The following ST18 variants were observed in gnomAD, a reference collection of about 807,000 sequenced individuals.
The protein encoded by ST18 is ST18 C2H2C-type zinc finger transcription factor.
Under a neutral mutation model 110.0 loss-of-function variants are expected in ST18, and 50 were observed. The observed-to-expected ratio is 0.45, with a 90% CI of 0.36 to 0.58. ST18 has a LOEUF of 0.58. Ranked by LOEUF, ST18 falls within the 20% of genes least tolerant of loss-of-function variation. The pLI is 0.00. For missense variants in ST18, 1,306 were observed against 1,280.1 expected (o/e 1.02, Z -0.31); for synonymous variants, 461 against 452.4 (o/e 1.02, Z -0.24).
intron 2 of ST18, among the ~76,000 whole-genome samples, chr8:52,231,774 C>T (rs2091452612): frequency 1.3e-5 from 2 of 152,188 alleles, no homozygotes; most frequent in South Asian, 2.1e-4. Flanking sequence ...AGTGCCCGGC[C>T]GGGTGGCTTC....
chr8:52,292,704 T>C (rs1232751094), intron 2 of ST18, among the ~76,000 whole-genome samples: 4 of 152,248 alleles, frequency 2.6e-5, no homozygotes, highest in African/African-American at 9.6e-5. Context: ...TTGAGTTTAA[T>C]TGTTTTTTAC....
intron 8 of ST18, among the ~76,000 whole-genome samples, chr8:52,208,816 A>AAAATAACT (rs370404813): frequency 6.6e-6 from 1 of 151,222 alleles, no homozygotes; most frequent in African/African-American, 2.4e-5. Context: ...AGGCTTCGCC[A>AAAATAACT]AAATAAATAA....
intron 2 of ST18, among the ~76,000 whole-genome samples, chr8:52,309,462 A>G (rs2095865851): frequency 7.0e-6 from 1 of 142,332 alleles, no homozygotes; most frequent in African/African-American, 2.6e-5. Context: ...TGGAGTTTGC[A>G]GTGAGCCGAG....
rs752821462 is a variant in ST18 at position 52,365,821 on chromosome 8, C to T, written c.-465+43507G>A. Among the ~76,000 whole-genome samples, 3 of 151,902 alleles carry T rather than the reference C, an allele frequency of 2.0e-5. 1 individual carries two copies. The highest frequency in any genetic ancestry group is 7.3e-5 in the African/African-American group (3 of 41,332). Reference sequence around the variant, plus strand: ...TCAAGCAATCCTCCCACCTCAGCCTCCTGAGTAGCTTGGACTACAGGTGCA... The same window carrying T: ...TCAAGCAATCCTCCCACCTCAGCCTTCTGAGTAGCTTGGACTACAGGTGCA... On this transcript the variant is annotated intron_variant, in intron 2 of 25. Transcript: ENST00000689386.
chr8:52,194,962 T>C (rs993640761), intron 8 of ST18, among the ~76,000 whole-genome samples: 5 of 152,246 alleles, frequency 3.3e-5, no homozygotes, highest in African/African-American at 1.2e-4. Context: ...ACATTTGAAA[T>C]ACCATTCAAT....
At chr8:52,290,700 C>T (rs1391252327) in intron 2 of ST18, among the ~76,000 whole-genome samples, 1 of 152,152 alleles carries the variant, frequency 6.6e-6, no homozygotes, top group Non-Finnish European at 1.5e-5. Context: ...TTTTAGCCCA[C>T]AGAATCTGCT....
intron 2 of ST18, among the ~76,000 whole-genome samples, chr8:52,279,118 G>C (rs1483235718): frequency 6.6e-6 from 1 of 152,146 alleles, no homozygotes; most frequent in African/African-American, 2.4e-5. Context: ...ACTGAAAATT[G>C]TGGGAATAAC....
chr8:52,166,782 G>A, intron 11 of ST18, 70 bp downstream of exon 11: 1 of 1,398,186 alleles, frequency 7.2e-7, no homozygotes, highest in African/African-American at 1.4e-5. Flanking sequence ...CAAATTGGGA[G>A]ACAAAGAGGA....
At position 52,199,423 on chromosome 8, in the gene ST18, T is replaced by G. The variant is rs192649822; in HGVS notation, c.86+12656A>C. The stretch of plus-strand genomic sequence containing the variant: ...TATCCTGCAAATGTAAATCATTACT[T>G]ATAGGGCTGTTCCCGTGGTACACAG... On this transcript the variant is annotated intron_variant, in intron 8 of 25. Coordinates refer to ENST00000689386, the MANE Select transcript of ST18 (RefSeq NM_001352837.2). 6 of 152,340 alleles carry G rather than the reference T, an allele frequency of 3.9e-5. No individual in the cohort carries two copies. The East Asian group carries it at 1.2e-3, about 29-fold the overall frequency. The allele number at this position is 152,340 out of a possible 1,614,324, so 9.4% of individuals were successfully genotyped here.
chr8:52,208,548 T>G (rs1038387030), intron 8 of ST18, among the ~76,000 whole-genome samples: 1 of 152,236 alleles, frequency 6.6e-6, no homozygotes. Context: ...AACTTGGGGC[T>G]GGGCGCGGTG....
intron 7 of ST18, among the ~76,000 whole-genome samples, chr8:52,212,626 A>G (rs1168790840): frequency 1.3e-5 from 2 of 152,210 alleles, no homozygotes; most frequent in African/African-American, 4.8e-5. Flanking sequence ...AAGAACTTAC[A>G]GGAAAAACAG....
intron 16 of ST18, among the ~76,000 whole-genome samples, chr8:52,144,524 A>G (rs2056528902): frequency 6.6e-6 from 1 of 152,114 alleles, no homozygotes; most frequent in Non-Finnish European, 1.5e-5. Context: ...TAACAATTCA[A>G]TCAATTATTT....
intron 2 of ST18, among the ~76,000 whole-genome samples, chr8:52,344,724 G>A (rs1017434826): frequency 6.6e-6 from 1 of 152,134 alleles, no homozygotes; most frequent in Non-Finnish European, 1.5e-5. Flanking sequence ...TCTAATGAGG[G>A]AGGATCTTAA....
intron 8 of ST18, among the ~76,000 whole-genome samples, chr8:52,187,584 A>T (rs2072829424): frequency 6.6e-6 from 1 of 152,348 alleles, no homozygotes; most frequent in East Asian, 1.9e-4. Context: ...TTAGAATTAC[A>T]GTCCTCAACT....
In ST18 at chr8:52,263,524, T is replaced by C. The variant is rs115332842; in HGVS notation, c.-464-33447A>G. On this transcript the variant is annotated intron_variant, in intron 2 of 25. Transcript: ENST00000689386. The stretch of plus-strand genomic sequence containing the variant: ...TGTTGTTCCTCATTTTTAACTATTG[T>C]TATGATCAATATCTTGGTGTTCTCA... Among the ~76,000 whole-genome samples, 536 of 152,318 alleles carry C rather than the reference T, an allele frequency of 3.5e-3. 2 individuals carry two copies. The highest frequency in any genetic ancestry group is 0.011 in the African/African-American group (448 of 41,578).
At chr8:52,191,149 A>G (rs1267627266) in intron 8 of ST18, among the ~76,000 whole-genome samples, 1 of 152,216 alleles carries the variant, frequency 6.6e-6, no homozygotes, top group East Asian at 1.9e-4. Context: ...CTTGGGCCAT[A>G]CAACCTGGTA....
At chr8:52,175,818 G>A (rs10091292) in intron 9 of ST18, among the ~76,000 whole-genome samples, 4 of 152,006 alleles carry the variant, frequency 2.6e-5, no homozygotes, top group African/African-American at 7.3e-5. Context: ...CCAGGGCTGC[G>A]TGGCTCCCAC....
chr8:52,288,978 G>T (rs951583027), intron 2 of ST18, among the ~76,000 whole-genome samples: 1 of 152,054 alleles, frequency 6.6e-6, no homozygotes, highest in Non-Finnish European at 1.5e-5. Context: ...CAAGGTCCTG[G>T]AACCTTTCTC....
intron 2 of ST18, among the ~76,000 whole-genome samples, chr8:52,265,724 A>G (rs1306331252): frequency 6.6e-6 from 1 of 152,238 alleles, no homozygotes; most frequent in Non-Finnish European, 1.5e-5. Flanking sequence ...TTAGGAAAAT[A>G]GAGTTATCTT....
Sources: allele counts gnomAD v4.1 joint callset (sites outside exome capture counted in the v4.1 genomes callset), GRCh38; gene constraint gnomAD v4.1.1; transcripts MANE v1.5; gene names NCBI Gene and HGNC (gene_info 2026-07-23, HGNC 2026-07-21).